Variants in CHRM3 observed in about 807,000 individuals in gnomAD.
CHRM3 encodes cholinergic receptor muscarinic 3.
In CHRM3, 11 loss-of-function variants were observed where a neutral mutation model predicts 41.8. That is an observed-to-expected ratio of 0.26 (90% CI 0.17 to 0.44). The LOEUF (loss-of-function observed/expected upper bound fraction) is 0.44. Ranked by LOEUF, CHRM3 falls within the 20% of genes least tolerant of loss-of-function variation. The pLI is 1.00. For synonymous variants in CHRM3, 297 were observed against 301.4 expected (o/e 0.99, Z 0.15); for missense variants, 571 against 745.4 (o/e 0.77, Z 2.72).
intron 1 of CHRM3, among the ~76,000 whole-genome samples, chr1:239,444,718 A>G (rs1041727984): frequency 2.6e-5 from 4 of 152,222 alleles, no homozygotes; most frequent in Admixed American, 1.3e-4. Context: ...CACCAATCTA[A>G]TAACTAACAA....
chr1:239,499,349 T>C (rs913091654), intron 2 of CHRM3, among the ~76,000 whole-genome samples: 2 of 152,146 alleles, frequency 1.3e-5, no homozygotes, highest in Non-Finnish European at 2.9e-5. Flanking sequence ...TGTAAAAAGA[T>C]ATTTCAGGCA....
At chr1:239,533,743 A>G (rs868837554) in intron 2 of CHRM3, among the ~76,000 whole-genome samples, 2 of 149,310 alleles carry the variant, frequency 1.3e-5, no homozygotes, top group South Asian at 4.3e-4. Flanking sequence ...AAAAAAAAAA[A>G]AAAAAAACAA....
At chr1:239,464,148 T>C (rs1055819201) in intron 1 of CHRM3, among the ~76,000 whole-genome samples, 5 of 151,832 alleles carry the variant, frequency 3.3e-5, no homozygotes, top group African/African-American at 1.2e-4. Flanking sequence ...GGTGTGGTGA[T>C]GCACAACTGT....
chr1:239,863,518 C>G (rs1675816374), intron 6 of CHRM3, among the ~76,000 whole-genome samples: 2 of 152,132 alleles, frequency 1.3e-5, no homozygotes, highest in East Asian at 3.9e-4. Flanking sequence ...AATGGTCATC[C>G]CATGGAAGGA....
intron 6 of CHRM3, among the ~76,000 whole-genome samples, chr1:239,896,253 T>G (rs1044667165): frequency 3.9e-5 from 6 of 152,214 alleles, no homozygotes; most frequent in Admixed American, 1.3e-4. Context: ...GCTTGGAGTC[T>G]TATTCCTCAA....
chr1:239,560,823 C>T (rs1317561998), intron 3 of CHRM3, among the ~76,000 whole-genome samples: 1 of 152,064 alleles, frequency 6.6e-6, no homozygotes, highest in African/African-American at 2.4e-5. Flanking sequence ...ACTTGAATGC[C>T]TAACAAGTGG....
chr1:239,529,609 C>A (rs1222356446), intron 2 of CHRM3, among the ~76,000 whole-genome samples: 99 of 110,830 alleles, frequency 8.9e-4, no homozygotes, highest in African/African-American at 1.5e-3. Flanking sequence ...GACTCCGTCT[C>A]AAAAAAAAAA....
At chr1:239,477,151 G>A (rs1405581192) in intron 1 of CHRM3, among the ~76,000 whole-genome samples, 1 of 152,178 alleles carries the variant, frequency 6.6e-6, no homozygotes, top group African/African-American at 2.4e-5. Context: ...AATTAAATTA[G>A]TGCTTCTTAG....
intron 3 of CHRM3, among the ~76,000 whole-genome samples, chr1:239,591,606 GAA>G (rs75163797): frequency 8.0e-5 from 11 of 137,998 alleles, no homozygotes; most frequent in Admixed American, 3.7e-4. Context: ...TCTTGGAGAT[GAA>G]AAAAAAAAAA....
chr1:239,539,650 G>A (rs985127447), intron 2 of CHRM3, among the ~76,000 whole-genome samples: 1 of 152,088 alleles, frequency 6.6e-6, no homozygotes, highest in Non-Finnish European at 1.5e-5. Context: ...TCTGTTTTGA[G>A]ACAAGATCTC....
chr1:239,421,122 T>G (rs1321935353), intron 1 of CHRM3, among the ~76,000 whole-genome samples: 1 of 152,224 alleles, frequency 6.6e-6, no homozygotes, highest in Non-Finnish European at 1.5e-5. Flanking sequence ...ACCCAACCTT[T>G]CTTTCATTAT....
intron 1 of CHRM3, among the ~76,000 whole-genome samples, chr1:239,409,038 T>A (rs1326452841): frequency 6.6e-6 from 1 of 151,404 alleles, no homozygotes; most frequent in East Asian, 1.9e-4. Flanking sequence ...TAACTAAATA[T>A]TATATTCTGT....
chr1:239,404,152 G>A (rs1383288686), intron 1 of CHRM3, among the ~76,000 whole-genome samples: 1 of 151,034 alleles, frequency 6.6e-6, no homozygotes, highest in African/African-American at 2.4e-5. Flanking sequence ...AGCCAGGCGT[G>A]GTGGTGGGCA....
At chr1:239,727,358 TG>T (rs1303358751) in intron 5 of CHRM3, among the ~76,000 whole-genome samples, 1 of 151,960 alleles carries the variant, frequency 6.6e-6, no homozygotes, top group Non-Finnish European at 1.5e-5. Context: ...CATAATTTCT[TG>T]GCCAATTGGA....
At chr1:239,594,569 C>T (rs1664570370) in intron 3 of CHRM3, among the ~76,000 whole-genome samples, 4 of 152,198 alleles carry the variant, frequency 2.6e-5, no homozygotes, top group Non-Finnish European at 5.9e-5. Context: ...ACTGTCTTCA[C>T]CATCTCAAAC....
At chr1:239,768,881 C>G (rs2148710458) in intron 5 of CHRM3, among the ~76,000 whole-genome samples, 1 of 152,188 alleles carries the variant, frequency 6.6e-6, no homozygotes, top group South Asian at 2.1e-4. Flanking sequence ...TCTCCTGCCC[C>G]AGCCTCCTGA....
At chr1:239,705,855 T>A (rs897363674) in intron 5 of CHRM3, 2 of 152,038 alleles carry the variant, frequency 1.3e-5, no homozygotes, top group South Asian at 4.1e-4. Context: ...ATGGCCAGTG[T>A]GTACAAGGTG....
chr1:239,537,316 C>A (rs1345731621), intron 2 of CHRM3, among the ~76,000 whole-genome samples: 1 of 152,114 alleles, frequency 6.6e-6, no homozygotes, highest in African/African-American at 2.4e-5. Context: ...GGAAGGATAG[C>A]ACTGGCATCT....
chr1:239,737,056 G>C (rs797008627), intron 5 of CHRM3, among the ~76,000 whole-genome samples: 50 of 152,102 alleles, frequency 3.3e-4, no homozygotes, highest in African/African-American at 1.2e-3. Context: ...ATGAACTCTG[G>C]CTAAGTAAGT....
Sources: allele counts gnomAD v4.1 joint callset (sites outside exome capture counted in the v4.1 genomes callset), GRCh38; gene constraint gnomAD v4.1.1; transcripts MANE v1.5; gene names NCBI Gene and HGNC (gene_info 2026-07-23, HGNC 2026-07-21).